The following USP24 variants were observed in gnomAD, a reference collection of about 807,000 sequenced individuals.
USP24 encodes the protein ubiquitin specific peptidase 24.
USP24 carries 97 observed loss-of-function variants against 361.6 expected under a neutral mutation model. The observed-to-expected ratio is 0.27, with a 90% confidence interval of 0.23 to 0.32. The LOEUF (loss-of-function observed/expected upper bound fraction) is 0.32, where lower values mean the gene tolerates loss of function less well. Ranked by LOEUF, USP24 falls within the 10% of genes least tolerant of loss-of-function variation. USP24 has a pLI of 1.00. For synonymous variants in USP24, 1,098 were observed against 1,124.6 expected, an observed-to-expected ratio of 0.98 and a Z score of 0.47; for missense variants, 2,353 against 3,165.6, an observed-to-expected ratio of 0.74 and a Z score of 6.16.
At chr1:55,126,044 G>A (rs980768982) in intron 32 of USP24, among the ~76,000 whole-genome samples, 2 of 152,142 alleles carry the variant, frequency 1.3e-5, no homozygotes, top group Non-Finnish European at 2.9e-5. Context: ...GCACTCCTCT[G>A]CACAAAATCC....
At position 55,095,518 on chromosome 1, in the gene USP24, A is replaced by G. The variant is rs114611893; in HGVS notation, c.6062-122T>C. On this transcript the variant is annotated intron_variant, in intron 50 of 67. Coordinates refer to ENST00000294383, the MANE Select transcript of USP24 (RefSeq NM_015306.3). The stretch of plus-strand genomic sequence containing the variant: ...ACTACTCCCTAAGTTTGTAAAATGC[A>G]AAGTATAAGTAAAATGTGAGTGTCT... The G allele has an allele frequency of 4.7e-6, 5 of 1,070,976 alleles. No homozygotes were observed. The African/African-American group carries it at 6.4e-5, about 14-fold the overall frequency. The allele number at this position is 1,070,976 out of a possible 1,614,324, so 66.3% of individuals were successfully genotyped here. A position where few individuals can be genotyped will look rare whatever the true frequency, so the allele number is the denominator to read the frequency against.
intron 38 of USP24, among the ~76,000 whole-genome samples, chr1:55,111,088 G>A (rs373226051): frequency 6.6e-6 from 1 of 151,966 alleles, no homozygotes; most frequent in Non-Finnish European, 1.5e-5. Context: ...CTGTGTGGTG[G>A]TGTATAGTTG....
rs1189318117 is a variant in USP24, at chr1:55,066,514, C to T, written c.*2531G>A. On this transcript the variant is annotated 3_prime_UTR_variant, in exon 68 of 68. Coordinates refer to ENST00000294383, the MANE Select transcript of USP24 (RefSeq NM_015306.3). ...CACAAGAGGTAGCAGAGGAAAATTC[C>T]AGTCTGCTTGTTCCAAGCTCAGAAG... 1 of 152,084 alleles carries T rather than the reference C, an allele frequency of 6.6e-6. No individual in the cohort carries two copies. Among genetic ancestry groups the T allele is most frequent in the Non-Finnish European group, 1.5e-5 (1 of 68,030 alleles). 9.4% of individuals were successfully genotyped at this position (152,084 alleles called of 1,614,324 possible). A position where few individuals can be genotyped will look rare whatever the true frequency, so the allele number is the denominator to read the frequency against.
intron 67 of USP24, 138 bp from the exon 68 acceptor site, chr1:55,069,245 A>C: frequency 1.3e-6 from 1 of 751,916 alleles, no homozygotes. Flanking sequence ...AAATGTGATA[A>C]CTATTACATC....
At chr1:55,193,384 A>G (rs1009739912) in intron 1 of USP24, among the ~76,000 whole-genome samples, 3 of 152,230 alleles carry the variant, frequency 2.0e-5, no homozygotes, top group African/African-American at 7.2e-5. Flanking sequence ...TTTAGAATAC[A>G]GAGAAGCAAG....
At chr1:55,147,511 A>G (rs1470503436) in intron 18 of USP24, 138 bp downstream of exon 18, 1 of 898,394 alleles carries the variant, frequency 1.1e-6, no homozygotes, top group Non-Finnish European at 1.5e-6. Flanking sequence ...ACCAAGATAC[A>G]AAACTGTTCC....
At chr1:55,120,066 A>C (rs1403158622) in intron 38 of USP24, among the ~76,000 whole-genome samples, 1 of 152,182 alleles carries the variant, frequency 6.6e-6, no homozygotes, top group Non-Finnish European at 1.5e-5. Flanking sequence ...CCTACCTCCT[A>C]TCCTGGGACT....
At chr1:55,096,096 C>T (rs1480998409) in intron 50 of USP24, among the ~76,000 whole-genome samples, 2 of 152,174 alleles carry the variant, frequency 1.3e-5, no homozygotes, top group East Asian at 1.9e-4. Flanking sequence ...GTTTTAAAAA[C>T]ACAGGTGCTA....
chr1:55,182,726 T>A (rs907223606), intron 1 of USP24, among the ~76,000 whole-genome samples: 1 of 152,048 alleles, frequency 6.6e-6, no homozygotes, highest in African/African-American at 2.4e-5. Context: ...AGTCTTTTAT[T>A]TTTTTTGAGA....
chr1:55,189,258 T>C (rs1557688520), intron 1 of USP24, among the ~76,000 whole-genome samples: 1 of 152,246 alleles, frequency 6.6e-6, no homozygotes, highest in South Asian at 2.1e-4. Context: ...ATTATCCAAA[T>C]GTCCATTAGA....
intron 40 of USP24, among the ~76,000 whole-genome samples, chr1:55,106,498 C>T (rs1164434653): frequency 6.6e-6 from 1 of 152,132 alleles, no homozygotes; most frequent in Non-Finnish European, 1.5e-5. Flanking sequence ...CCTTTATGGG[C>T]TTACAATACA....
At chr1:55,095,691 T>G (rs926625748) in intron 50 of USP24, among the ~76,000 whole-genome samples, 2 of 151,942 alleles carry the variant, frequency 1.3e-5, no homozygotes, top group Non-Finnish European at 2.9e-5. Flanking sequence ...CCTAGGGAGG[T>G]CTAAATGTAA....
At chr1:55,102,937 T>G (rs898122339) in intron 42 of USP24, among the ~76,000 whole-genome samples, 19 of 152,198 alleles carry the variant, frequency 1.2e-4, no homozygotes, top group Non-Finnish European at 2.4e-4. Context: ...CTTTGCCAAG[T>G]GCTACTCCCT....
chr1:55,088,920 G>GTT (rs977321197), intron 55 of USP24, among the ~76,000 whole-genome samples: 1 of 146,440 alleles, frequency 6.8e-6, no homozygotes, highest in African/African-American at 2.5e-5. Flanking sequence ...ACTACCAGGA[G>GTT]TTTTTTTTTT....
At chr1:55,196,530 T>A (rs1044876188) in intron 1 of USP24, among the ~76,000 whole-genome samples, 10 of 151,866 alleles carry the variant, frequency 6.6e-5, no homozygotes, top group Non-Finnish European at 1.3e-4. Context: ...CCCAATAGAG[T>A]TATATTACCC....
intron 5 of USP24, among the ~76,000 whole-genome samples, chr1:55,168,211 G>C (rs1394019610): frequency 6.6e-6 from 1 of 151,976 alleles, no homozygotes; most frequent in African/African-American, 2.4e-5. Context: ...GGGGGTCAAG[G>C]GACATTTCTT....
chr1:55,166,812 A>G (rs1238209387), intron 5 of USP24, among the ~76,000 whole-genome samples: 5 of 152,270 alleles, frequency 3.3e-5, no homozygotes, highest in Non-Finnish European at 5.9e-5. Flanking sequence ...TTTTGATGGA[A>G]CTGCCACAAT....
chr1:55,090,394 A>G (rs1160852213), intron 54 of USP24, among the ~76,000 whole-genome samples: 1 of 152,232 alleles, frequency 6.6e-6, no homozygotes, highest in Non-Finnish European at 1.5e-5. Flanking sequence ...ATAGTGACTA[A>G]TTAGTTAATC....
chr1:55,074,625 C>A (rs1044711304), intron 63 of USP24, among the ~76,000 whole-genome samples: 2 of 146,916 alleles, frequency 1.4e-5, no homozygotes, highest in African/African-American at 5.0e-5. Context: ...CAAAGTGAGA[C>A]CCTGTCTCAA....
Sources: gnomAD v4.1 joint callset for allele counts (sites outside exome capture counted in the v4.1 genomes callset) on GRCh38, gnomAD v4.1.1 for gene constraint, MANE v1.5 for transcripts, NCBI Gene and HGNC (gene_info 2026-07-23, HGNC 2026-07-21) for gene names.